The following C4orf50 variants were observed in gnomAD, a reference collection of about 807,000 sequenced individuals.
C4orf50 encodes uncharacterized protein C4orf50.
C4orf50 carries 80 observed loss-of-function variants against 77.2 expected under a neutral mutation model. That is an observed-to-expected ratio of 1.04 (90% confidence interval 0.87 to 1.25). C4orf50 has a LOEUF of 1.25. C4orf50 is among the 50% of genes most tolerant of loss of function. The pLI is 0.00. For synonymous variants in C4orf50, 532 were observed against 465.3 expected (o/e 1.14, Z -1.84); for missense variants, 1,257 against 1,152.9 (o/e 1.09, Z -1.31).
intron 32 of C4orf50, 129 bp from the exon 11 acceptor site, chr4:5,965,274 C>T (rs974621315): frequency 5.5e-6 from 5 of 901,324 alleles, no homozygotes; most frequent in African/African-American, 3.4e-5. Context: ...TTCCATGCCC[C>T]GGGGCAGAGG....
At chr4:5,944,846 G>T (rs1197581185) in intron 7 of C4orf50, among the ~76,000 whole-genome samples, 1 of 152,150 alleles carries the variant, frequency 6.6e-6, no homozygotes, top group African/African-American at 2.4e-5. Context: ...CCCCGGGAAA[G>T]GGAGATCAGA....
intron 7 of C4orf50, among the ~76,000 whole-genome samples, chr4:5,924,433 G>A (rs1027881575): frequency 2.0e-5 from 3 of 152,170 alleles, no homozygotes; most frequent in African/African-American, 7.2e-5. Flanking sequence ...ACTGGGACAG[G>A]CACAGCACAT....
intron 7 of C4orf50, among the ~76,000 whole-genome samples, chr4:5,945,762 C>T (rs184308741): frequency 6.6e-6 from 1 of 152,192 alleles, no homozygotes; most frequent in Non-Finnish European, 1.5e-5. Context: ...GACCAGCTGG[C>T]AGGCTGGGCC....
chr4:6,004,202 G>T (rs1243985833), intron 25 of C4orf50, among the ~76,000 whole-genome samples: 151 of 106,836 alleles, frequency 1.4e-3, no homozygotes, highest in African/African-American at 4.8e-3. Context: ...TGATGGTGAT[G>T]GTGATGATGG....
rs1311902131 is a variant in C4orf50, at chr4:5,952,099, T to C, written c.*2474+4802A>G. ...ATGGAGTCATTCAACAAGCATGTAT[T>C]AAGCCCTGGGAGGAGCCAGGCACTG... On this transcript the variant is annotated intron_variant, in intron 7 of 7. Transcript: ENST00000324058. This position sits in a 1 kb window ranked among gnomAD's most constrained non-coding sequence, Gnocchi z 4.4. Among the ~76,000 whole-genome samples the C allele has an allele frequency of 6.6e-6, 1 of 152,170 alleles. No homozygotes were observed. Among genetic ancestry groups the C allele is most frequent in the Non-Finnish European group, 1.5e-5 (1 of 68,038 alleles).
chr4:5,929,539 G>A (rs1333867203), intron 7 of C4orf50, among the ~76,000 whole-genome samples: 2 of 152,210 alleles, frequency 1.3e-5, no homozygotes, highest in Non-Finnish European at 2.9e-5. Flanking sequence ...TAATAACAGG[G>A]ACTTGTGCTG....
At chr4:5,995,891 C>T (rs1325291460) in intron 25 of C4orf50, among the ~76,000 whole-genome samples, 4 of 152,180 alleles carry the variant, frequency 2.6e-5, no homozygotes, top group African/African-American at 9.7e-5. Context: ...GCCCTGTCCC[C>T]TTCTCACTTG....
chr4:5,910,840 G>C (rs1716771804), intron 7 of C4orf50, among the ~76,000 whole-genome samples: 1 of 151,472 alleles, frequency 6.6e-6, no homozygotes, highest in African/African-American at 2.4e-5. Context: ...GAATTTGAAA[G>C]TAGCACCATG....
chr4:5,975,088 C>G (rs372079630), intron 30 of C4orf50, among the ~76,000 whole-genome samples: 1 of 125,090 alleles, frequency 8.0e-6, no homozygotes, highest in East Asian at 2.9e-4. Flanking sequence ...TGCAGTGAGC[C>G]AAAATCGTAC....
chr4:6,001,102 G>T (rs1199206878), intron 25 of C4orf50, among the ~76,000 whole-genome samples: 15 of 152,166 alleles, frequency 9.9e-5, no homozygotes, highest in Non-Finnish European at 1.9e-4. Context: ...TTTTTCAAGG[G>T]CCATGGTTTT....
intron 7 of C4orf50, among the ~76,000 whole-genome samples, chr4:5,946,281 C>T (rs563728243): frequency 2.6e-4 from 39 of 152,254 alleles, no homozygotes; most frequent in African/African-American, 1.4e-4. Context: ...CTTGAGGGGG[C>T]CTGGAAAGGA....
At position 6,000,225 on chromosome 4, in the gene C4orf50, C is replaced by T. The variant is rs528822407; in HGVS notation, c.964-5749G>A. On this transcript the variant is annotated intron_variant, in intron 25 of 33. Coordinates refer to ENST00000531445, the Ensembl canonical transcript of C4orf50. This position sits in a 1 kb window ranked among gnomAD's most constrained non-coding sequence, Gnocchi z 6.0. ...AGCATGCGATGCTCTCTGGACTCTG[C>T]GACTTCACAGATGTGCAGAGGCCTG... Among the ~76,000 whole-genome samples, 4 of 152,274 alleles carry T rather than the reference C, an allele frequency of 2.6e-5. No homozygotes were observed. The highest frequency in any genetic ancestry group is 1.9e-4 in the East Asian group (1 of 5,172).
At chr4:5,906,858 A>G (rs1716571554) in intron 7 of C4orf50, among the ~76,000 whole-genome samples, 1 of 152,196 alleles carries the variant, frequency 6.6e-6, no homozygotes, top group African/African-American at 2.4e-5. Context: ...ACAAAAATAA[A>G]CCAGATTTAA....
intron 30 of C4orf50, among the ~76,000 whole-genome samples, chr4:5,974,549 C>T (rs1468827471): frequency 6.6e-6 from 1 of 152,140 alleles, no homozygotes; most frequent in Non-Finnish European, 1.5e-5. Context: ...GACACTGAGG[C>T]CCCAGAGGGA....
At chr4:5,914,051 T>C (rs1577879814) in intron 7 of C4orf50, among the ~76,000 whole-genome samples, 1 of 151,928 alleles carries the variant, frequency 6.6e-6, no homozygotes, top group East Asian at 1.9e-4. Context: ...ATGAAGACAA[T>C]GATAGCATGA....
chr4:5,897,828 A>C (rs899948769), exon 8 of C4orf50: 10 of 152,184 alleles, frequency 6.6e-5, no homozygotes, highest in Non-Finnish European at 1.3e-4. Flanking sequence ...GTTTCACTGC[A>C]GGCAGGCCCC....
chr4:5,915,750 A>C (rs1717002785), intron 7 of C4orf50, among the ~76,000 whole-genome samples: 1 of 152,214 alleles, frequency 6.6e-6, no homozygotes, highest in Non-Finnish European at 1.5e-5. Flanking sequence ...TGCTCGTTTC[A>C]ATAGGATGTG....
At position 5,959,253 on chromosome 4, in the gene C4orf50, C is replaced by G. The variant is rs1213676591; in HGVS notation, c.*122G>C. 2.4e-6 allele frequency: 3 copies of G among 1,224,796 alleles called. No homozygotes were observed. The East Asian group carries it at 7.0e-5, about 29-fold the overall frequency. 75.9% of individuals were successfully genotyped at this position (1,224,796 alleles called of 1,614,324 possible). On this transcript the variant is annotated 3_prime_UTR_variant, in exon 34 of 34. Coordinates refer to ENST00000531445, the Ensembl canonical transcript of C4orf50. ...GAACACAAAATCCCAAAGCCGAAGG[C>G]AAAACCACTTGCCACTAAATGAGGG...
At chr4:5,909,998 G>A (rs1294488708) in intron 7 of C4orf50, among the ~76,000 whole-genome samples, 1 of 152,136 alleles carries the variant, frequency 6.6e-6, no homozygotes. Flanking sequence ...GTCTTTTGTG[G>A]TTCCATGTGA....
Sources: gnomAD v4.1 joint callset for allele counts (sites outside exome capture counted in the v4.1 genomes callset) on GRCh38, gnomAD v4.1.1 for gene constraint, Gnocchi (gnomAD v3.1) non-coding constraint, MANE v1.5 for transcripts, NCBI Gene and HGNC (gene_info 2026-07-23, HGNC 2026-07-21) for gene names.